The following ENOX2 variants were observed in gnomAD, a reference collection of about 807,000 sequenced individuals.
The protein encoded by ENOX2 is ecto-NOX disulfide-thiol exchanger 2, also known as APK1 antigen.
Under a neutral mutation model 45.0 loss-of-function variants are expected in ENOX2, and 36 were observed. That is an observed-to-expected ratio of 0.80 (90% CI 0.61 to 1.06). The LOEUF is 1.06. Ranked by LOEUF, ENOX2 falls within the 50% of genes least tolerant of loss-of-function variation. The pLI is 0.00. For synonymous variants in ENOX2, 174 were observed against 152.3 expected (o/e 1.14, Z -1.05); for missense variants, 423 against 462.5 (o/e 0.91, Z 0.78).
At chrX:130,630,440 T>A (rs904928724) in intron 13 of ENOX2, among the ~76,000 whole-genome samples, 11 of 110,451 alleles carry the variant, frequency 1.0e-4, no homozygotes, top group African/African-American at 3.6e-4. Context: ...ATTGAGCTAA[T>A]CACCAATAGC....
At chrX:130,703,512 TTCTCTCTC>T (rs59009662) in intron 3 of ENOX2, among the ~76,000 whole-genome samples, 3 of 105,466 alleles carry the variant, frequency 2.8e-5, no homozygotes, top group Non-Finnish European at 3.9e-5. Context: ...CCTTTCTTCC[TTCTCTCTC>T]TCTCTCTCTC....
intron 2 of ENOX2, among the ~76,000 whole-genome samples, chrX:130,869,931 A>T (rs1291797918): frequency 8.9e-6 from 1 of 112,344 alleles, no homozygotes; most frequent in Non-Finnish European, 1.9e-5. Context: ...AGTAGTATGC[A>T]GGCCTTGCTG....
intron 2 of ENOX2, among the ~76,000 whole-genome samples, chrX:130,871,507 G>A (rs1302688443): frequency 1.8e-5 from 2 of 111,252 alleles, no homozygotes; most frequent in African/African-American, 6.5e-5. Context: ...AATAAATACT[G>A]CTGTAGTTCA....
chrX:130,639,893 T>A (rs1014639419), intron 10 of ENOX2, among the ~76,000 whole-genome samples: 2 of 112,165 alleles, frequency 1.8e-5, no homozygotes, highest in Non-Finnish European at 3.8e-5. Flanking sequence ...ACTGAAAACC[T>A]GTCTTAGTCC....
chrX:130,672,699 A>C (rs1260009156), intron 6 of ENOX2, among the ~76,000 whole-genome samples: 1 of 112,448 alleles, frequency 8.9e-6, no homozygotes, highest in Non-Finnish European at 1.9e-5. Flanking sequence ...ATAGATGGAC[A>C]GTGTGTAAAC....
At chrX:130,822,632 T>C (rs199879252) in intron 2 of ENOX2, among the ~76,000 whole-genome samples, 1 of 106,391 alleles carries the variant, frequency 9.4e-6, no homozygotes, top group South Asian at 4.2e-4. Flanking sequence ...TGTTGTGGGG[T>C]AGGGGGAGGG....
At chrX:130,753,061 G>A (rs185841269) in intron 3 of ENOX2, among the ~76,000 whole-genome samples, 1 of 111,277 alleles carries the variant, frequency 9.0e-6, no homozygotes, top group East Asian at 2.8e-4. Flanking sequence ...GTCTGTCCAT[G>A]TGAGTGTTAT....
chrX:130,858,532 A>G (rs2078352459), intron 2 of ENOX2, among the ~76,000 whole-genome samples: 1 of 111,858 alleles, frequency 8.9e-6, no homozygotes, highest in Non-Finnish European at 1.9e-5. Context: ...TTAAAGGTCC[A>G]GGATGACACT....
chrX:130,637,433 A>G (rs2148031887), intron 10 of ENOX2, 23 bp from the exon 11 acceptor site: 6 of 1,164,772 alleles, frequency 5.2e-6, no homozygotes, highest in Non-Finnish European at 7.0e-6. Context: ...ATAAAATATG[A>G]AACCATATAT....
chrX:130,843,869 T>C (rs2078055727), intron 2 of ENOX2, among the ~76,000 whole-genome samples: 1 of 112,403 alleles, frequency 8.9e-6, no homozygotes, highest in Non-Finnish European at 1.9e-5. Flanking sequence ...TCTCTATTTC[T>C]CTGCTTCTCT....
intron 3 of ENOX2, among the ~76,000 whole-genome samples, chrX:130,756,935 T>G (rs1274207123): frequency 1.8e-5 from 2 of 112,507 alleles, no homozygotes; most frequent in Non-Finnish European, 3.8e-5. Context: ...ACAAAGCATA[T>G]TCATTCAGGC....
intron 10 of ENOX2, among the ~76,000 whole-genome samples, chrX:130,640,278 T>C (rs2148039641): frequency 8.9e-6 from 1 of 112,331 alleles, no homozygotes; most frequent in South Asian, 3.8e-4. Context: ...CAACAGATGC[T>C]GGCGAGGTTG....
chrX:130,859,884 T>C (rs920665215), intron 2 of ENOX2, among the ~76,000 whole-genome samples: 4 of 111,694 alleles, frequency 3.6e-5, no homozygotes, highest in African/African-American at 1.3e-4. Flanking sequence ...CCACATTCTT[T>C]TGATTTTCCT....
chrX:130,646,669 G>A (rs911638701), intron 10 of ENOX2, among the ~76,000 whole-genome samples: 1 of 112,380 alleles, frequency 8.9e-6, no homozygotes, highest in African/African-American at 3.2e-5. Context: ...GGGGACTGGT[G>A]TCACTTCTAG....
chrX:130,898,197 G>C (rs927715940), intron 2 of ENOX2, among the ~76,000 whole-genome samples: 1 of 110,863 alleles, frequency 9.0e-6, no homozygotes, highest in Non-Finnish European at 1.9e-5. Flanking sequence ...TAGTAGAGAC[G>C]GGGTTTCCCC....
intron 2 of ENOX2, among the ~76,000 whole-genome samples, chrX:130,868,736 T>C (rs1288359485): frequency 8.9e-6 from 1 of 111,769 alleles, no homozygotes; most frequent in East Asian, 2.8e-4. Flanking sequence ...TAATGCAGAC[T>C]TATTTCCTGA....
At chrX:130,646,536 T>C (rs1381138099) in intron 10 of ENOX2, among the ~76,000 whole-genome samples, 1 of 112,493 alleles carries the variant, frequency 8.9e-6, no homozygotes, top group East Asian at 2.8e-4. Context: ...GTAAAGCAGC[T>C]TGGACCCTCC....
At chrX:130,755,440 A>G (rs762241990) in intron 3 of ENOX2, among the ~76,000 whole-genome samples, 2 of 111,442 alleles carry the variant, frequency 1.8e-5, no homozygotes, top group Admixed American at 1.9e-4. Context: ...TGGAATCAGG[A>G]GAGCTATGTG....
intron 3 of ENOX2, among the ~76,000 whole-genome samples, chrX:130,707,507 TACACACACACACACACAC>T (rs10536173): frequency 1.0e-5 from 1 of 97,361 alleles, no homozygotes; most frequent in Non-Finnish European, 2.1e-5. Flanking sequence ...TTTTGAAGAC[TACACACACACACACACAC>T]ACACACACAC....
Sources: allele counts gnomAD v4.1 joint callset (sites outside exome capture counted in the v4.1 genomes callset), GRCh38; gene constraint gnomAD v4.1.1; transcripts MANE v1.5; gene names NCBI Gene and HGNC (gene_info 2026-07-23, HGNC 2026-07-21).